Variants in CTNNB1 observed in about 807,000 individuals in gnomAD.
CTNNB1 encodes the protein catenin beta 1.
CTNNB1 carries 6 observed loss-of-function variants against 82.5 expected under a neutral mutation model. That is an observed-to-expected ratio of 0.07 (90% confidence interval 0.04 to 0.14). The LOEUF (loss-of-function observed/expected upper bound fraction) is 0.14, where lower values mean the gene tolerates loss of function less well. CTNNB1 is among the 10% of genes least tolerant of loss of function. The pLI is 1.00. For synonymous variants in CTNNB1, 312 were observed against 329.7 expected (o/e 0.95, Z 0.58); for missense variants, 529 against 980.4 (o/e 0.54, Z 6.15).
intron 1 of CTNNB1, among the ~76,000 whole-genome samples, chr3:41,213,214 G>T (rs1380628891): frequency 6.6e-6 from 1 of 152,160 alleles, no homozygotes; most frequent in Non-Finnish European, 1.5e-5. Context: ...GTTCTTGAAA[G>T]ATGATCATGT....
At chr3:41,215,981 A>G (rs1367001839) in intron 1 of CTNNB1, among the ~76,000 whole-genome samples, 1 of 152,172 alleles carries the variant, frequency 6.6e-6, no homozygotes, top group Non-Finnish European at 1.5e-5. Flanking sequence ...TCTTTCATTT[A>G]TCTGCAACAC....
At chr3:41,218,582 A>G (rs1244113990) in intron 1 of CTNNB1, among the ~76,000 whole-genome samples, 1 of 152,176 alleles carries the variant, frequency 6.6e-6, no homozygotes, top group Admixed American at 6.5e-5. Flanking sequence ...CAGCCTTATC[A>G]TACTATAAAA....
chr3:41,200,251 A>G (rs572573932), intron 1 of CTNNB1: 3 of 152,266 alleles, frequency 2.0e-5, no homozygotes, highest in South Asian at 2.1e-4. Context: ...TGCCCTGGCT[A>G]TGTGAGTTTG....
At chr3:41,210,003 A>C (rs2077741237) in intron 1 of CTNNB1, among the ~76,000 whole-genome samples, 1 of 152,134 alleles carries the variant, frequency 6.6e-6, no homozygotes, top group Non-Finnish European at 1.5e-5. Flanking sequence ...TCACTTTTTT[A>C]CTTTATGAAT....
At chr3:41,223,815 G>T (rs1458176515) in intron 1 of CTNNB1, among the ~76,000 whole-genome samples, 2 of 152,056 alleles carry the variant, frequency 1.3e-5, no homozygotes, top group Non-Finnish European at 2.9e-5. Flanking sequence ...TGGTAAGGAG[G>T]AGTTTTCACT....
chr3:41,212,831 A>G (rs922735477), intron 1 of CTNNB1, among the ~76,000 whole-genome samples: 2 of 152,132 alleles, frequency 1.3e-5, no homozygotes, highest in African/African-American at 4.8e-5. Flanking sequence ...TTTCTCATCT[A>G]CTATATCCAG....
At chr3:41,230,090 T>C (rs538546597) in intron 7 of CTNNB1, among the ~76,000 whole-genome samples, 1 of 152,208 alleles carries the variant, frequency 6.6e-6, no homozygotes, top group Non-Finnish European at 1.5e-5. Context: ...CTTACTTTTC[T>C]CACTTATTGA....
rs569666187 is a variant in CTNNB1, at chr3:41,239,310, A to G, written c.2314A>G (p.Asn772Asp). 6.2e-7 allele frequency: 1 copy of G among 1,614,164 alleles called. No homozygotes were observed. Among genetic ancestry groups the G allele is most frequent in the South Asian group, 1.1e-5 (1 of 91,084 alleles). Residue 772 changes from asparagine to aspartate, a missense_variant, in exon 15 of 15, where the codon AAT becomes GAT. Physicochemically the swap from Asn to Asp is conservative, Grantham distance 23. Transcript: ENST00000349496. ...LMDGLPPGDS[N>D]QLAWFDTDL Reference sequence around the variant, plus strand: ...GGATGGGCTGCCTCCAGGTGACAGCAATCAGCTGGCCTGGTTTGATACTGA... The same window carrying G: ...GGATGGGCTGCCTCCAGGTGACAGCGATCAGCTGGCCTGGTTTGATACTGA...
rs1228677615 is a variant in CTNNB1, at chr3:41,240,232, AAGC to A, written c.*893_*895del. The A allele has an allele frequency of 1.5e-5, 3 of 196,076 alleles. No homozygotes were observed. The East Asian group carries it at 2.4e-4, about 16-fold the overall frequency. 12.1% of individuals were successfully genotyped at this position (196,076 alleles called of 1,614,324 possible). On this transcript the variant is annotated 3_prime_UTR_variant, in exon 15 of 15. Transcript: ENST00000349496. ...GTTTCCTTTTTAATATGCTTAAAAT[AAGC>A]AGGTGGATCTATTTCATGTTTTTGA...
At chr3:41,230,658 T>G (rs1423059515) in intron 7 of CTNNB1, among the ~76,000 whole-genome samples, 1 of 152,086 alleles carries the variant, frequency 6.6e-6, no homozygotes, top group Non-Finnish European at 1.5e-5. Context: ...GGAGGGGAAT[T>G]GTCTAGATGA....
chr3:41,224,481 T>G, intron 2 of CTNNB1, 45 bp from the exon 3 acceptor site: 1 of 1,522,704 alleles, frequency 6.6e-7, no homozygotes, highest in South Asian at 1.1e-5. Flanking sequence ...TAAATTAAAG[T>G]AACATTTCCA....
intron 11 of CTNNB1, chr3:41,236,075 A>G (rs1003763666): frequency 7.3e-6 from 5 of 685,882 alleles, no homozygotes; most frequent in Non-Finnish European, 9.8e-6. Flanking sequence ...CTGGGCTGCC[A>G]GAGGCAGGGC....
intron 9 of CTNNB1, 82 bp downstream of exon 9, chr3:41,233,949 A>G (rs1251426075): frequency 2.0e-6 from 3 of 1,476,398 alleles, no homozygotes; most frequent in East Asian, 2.3e-5. Context: ...GTCTAAGCAT[A>G]GTGATCAATA....
intron 11 of CTNNB1, 179 bp from the exon 12 acceptor site, chr3:41,236,167 ATAT>A (rs1041226930): frequency 1.5e-5 from 13 of 842,348 alleles, no homozygotes; most frequent in African/African-American, 6.7e-5. Flanking sequence ...TAGCTAAAAA[ATAT>A]TATGGAAATC....
intron 1 of CTNNB1, chr3:41,222,208 A>G (rs1394056009): frequency 6.6e-6 from 1 of 152,248 alleles, no homozygotes; most frequent in African/African-American, 2.4e-5. Context: ...AGGCCAGAAA[A>G]AGAAAGAGGA....
chr3:41,234,027 G>T (rs2078373744), intron 9 of CTNNB1, 112 bp from the exon 10 acceptor site: 3 of 1,473,262 alleles, frequency 2.0e-6, no homozygotes, highest in Non-Finnish European at 2.8e-6. Flanking sequence ...TGAAATGTTT[G>T]TGTAGTCAGA....
chr3:41,223,839 G>C (rs1192433171), intron 1 of CTNNB1, among the ~76,000 whole-genome samples, 182 bp from the exon 2 acceptor site: 1 of 152,198 alleles, frequency 6.6e-6, no homozygotes, highest in African/African-American at 2.4e-5. Flanking sequence ...GTTCAGCAGT[G>C]ATGGAGCTGT....
rs1559478507 is a variant in CTNNB1 at position 41,238,116 on chromosome 3, T to TGATA, written c.2137+40_2137+41insGATA. On this transcript the variant is annotated intron_variant, in intron 14 of 14. Coordinates refer to ENST00000349496, the MANE Select transcript of CTNNB1 (RefSeq NM_001904.4). ...TTTCTCGATTAACTCCAGATCAAGC[T>TGATA]AAAGTTCTAAAACTTTTATCAGAAG... The TGATA allele has an allele frequency of 7.6e-6, 12 of 1,573,254 alleles. No homozygotes were observed. The Admixed American group carries it at 2.0e-4, about 26-fold the overall frequency.
chr3:41,226,909 A>C (rs891320018), intron 6 of CTNNB1, among the ~76,000 whole-genome samples: 5 of 152,158 alleles, frequency 3.3e-5, no homozygotes, highest in African/African-American at 1.2e-4. Context: ...CTTGCCTACC[A>C]ACATAGTTTC....
Sources: gnomAD v4.1 joint callset for allele counts (sites outside exome capture counted in the v4.1 genomes callset) on GRCh38, gnomAD v4.1.1 for gene constraint, MANE v1.5 for transcripts, NCBI Gene and HGNC (gene_info 2026-07-23, HGNC 2026-07-21) for gene names.